MED27: variants seen among roughly 807,000 people sequenced by gnomAD.
MED27 encodes mediator complex subunit 27.
Under a neutral mutation model 38.2 loss-of-function variants are expected in MED27, and 30 were observed. That is an observed-to-expected ratio of 0.79 (90% confidence interval 0.59 to 1.07). MED27 has a LOEUF of 1.07. Among genes scored for constraint, MED27 ranks in the 50% least tolerant of loss-of-function variants. MED27 has a pLI of 0.00. For synonymous variants in MED27, 122 were observed against 153.5 expected, an observed-to-expected ratio of 0.79 and a Z score of 1.52; for missense variants, 289 against 397.5, an observed-to-expected ratio of 0.73 and a Z score of 2.32.
chr9:131,912,022 C>A (rs1220616120), intron 4 of MED27, among the ~76,000 whole-genome samples: 1 of 152,146 alleles, frequency 6.6e-6, no homozygotes, highest in Non-Finnish European at 1.5e-5. Context: ...AAAGCAAGGG[C>A]CTGAAAAGTC....
intron 3 of MED27, among the ~76,000 whole-genome samples, chr9:131,996,918 A>G (rs1832103829): frequency 6.6e-6 from 1 of 152,196 alleles, no homozygotes; most frequent in South Asian, 2.1e-4. Context: ...ACAGTATGTA[A>G]TGCATACAAC....
intron 2 of MED27, among the ~76,000 whole-genome samples, chr9:132,045,485 G>A (rs1336745330): frequency 6.7e-6 from 1 of 150,064 alleles, no homozygotes; most frequent in African/African-American, 2.5e-5. Context: ...ATAATAAAAG[G>A]TTCTAAGAAA....
intron 3 of MED27, among the ~76,000 whole-genome samples, chr9:132,005,753 G>A (rs1832343900): frequency 6.6e-6 from 1 of 152,120 alleles, no homozygotes; most frequent in South Asian, 2.1e-4. Flanking sequence ...GATAAGAGTG[G>A]TATCCCTCAC....
At chr9:131,878,477 G>A (rs911990811) in intron 6 of MED27, among the ~76,000 whole-genome samples, 2 of 152,094 alleles carry the variant, frequency 1.3e-5, no homozygotes, top group African/African-American at 4.8e-5. Flanking sequence ...TGGATGGAGA[G>A]CTGGACATCT....
At chr9:131,877,962 G>C (rs1453392725) in intron 6 of MED27, among the ~76,000 whole-genome samples, 2 of 151,990 alleles carry the variant, frequency 1.3e-5, no homozygotes, top group Non-Finnish European at 2.9e-5. Flanking sequence ...CTCAGTTAGG[G>C]GCCAGTCTTG....
At position 132,051,521 on chromosome 9, in the gene MED27, A is replaced by G. The variant is rs1447027424; in HGVS notation, c.348+25921T>C. 6.6e-6 allele frequency among the ~76,000 whole-genome samples: 1 copy of G among 152,192 alleles called. No homozygotes were observed. The highest frequency in any genetic ancestry group is 1.5e-5 in the Non-Finnish European group (1 of 68,032). On this transcript the variant is annotated intron_variant, in intron 2 of 7. Coordinates refer to ENST00000292035, the MANE Select transcript of MED27 (RefSeq NM_004269.4). The surrounding 1 kb of genome is among the most constrained non-coding windows in gnomAD (Gnocchi z 4.2). ...TGCCCCTCCTTAGCTAGACATAAAGACTGTGGAAATATGCACAGTGAAGGA... is the reference window on the plus strand; with the variant it reads ...TGCCCCTCCTTAGCTAGACATAAAGGCTGTGGAAATATGCACAGTGAAGGA...
At chr9:131,999,728 C>G (rs575047680) in intron 3 of MED27, among the ~76,000 whole-genome samples, 2 of 152,028 alleles carry the variant, frequency 1.3e-5, no homozygotes, top group African/African-American at 4.8e-5. Context: ...GTTTTTCTAC[C>G]AAAAGAAAAT....
At chr9:132,076,941 C>T (rs1351193410) in intron 2 of MED27, among the ~76,000 whole-genome samples, 1 of 152,208 alleles carries the variant, frequency 6.6e-6, no homozygotes, top group African/African-American at 2.4e-5. Flanking sequence ...GAACAATCTC[C>T]CTTAGGTGGC....
intron 6 of MED27, among the ~76,000 whole-genome samples, chr9:131,866,204 C>T (rs984989218): frequency 6.6e-6 from 1 of 152,188 alleles, no homozygotes; most frequent in Non-Finnish European, 1.5e-5. Flanking sequence ...CCTGACAGAT[C>T]TGTGCCCATC....
chr9:131,977,082 C>G (rs1831625243), intron 3 of MED27, among the ~76,000 whole-genome samples: 1 of 152,158 alleles, frequency 6.6e-6, no homozygotes. Context: ...GCCAAGCCAG[C>G]CAGTCACCAG....
chr9:131,966,954 T>A lies in MED27; in HGVS notation c.480-27480A>T, dbSNP rs143941528. 1.6e-3 allele frequency among the ~76,000 whole-genome samples: 247 copies of A among 152,392 alleles called. 4 individuals are homozygous for A. In the East Asian group the frequency reaches 0.021, roughly 13 times the overall value. ...ATGACCATCTTCACTCTTCACTAGC[T>A]GTGTGGCATTAACTTTCTTGTATCT... On this transcript the variant is annotated intron_variant, in intron 3 of 7. Coordinates refer to ENST00000292035, the MANE Select transcript of MED27 (RefSeq NM_004269.4).
At chr9:131,941,444 T>C (rs1013007292) in intron 3 of MED27, among the ~76,000 whole-genome samples, 5 of 152,290 alleles carry the variant, frequency 3.3e-5, no homozygotes, top group South Asian at 4.2e-4. Context: ...AAAGTGACCC[T>C]ACCTATTCTC....
intron 2 of MED27, among the ~76,000 whole-genome samples, chr9:132,029,197 G>A (rs1832894810): frequency 1.3e-5 from 2 of 152,180 alleles, no homozygotes; most frequent in Admixed American, 1.3e-4. Context: ...AAATAGTAGA[G>A]ATTGAAAGCT....
intron 4 of MED27, among the ~76,000 whole-genome samples, chr9:131,928,083 C>T (rs968391949): frequency 3.9e-5 from 6 of 152,214 alleles, no homozygotes; most frequent in African/African-American, 1.4e-4. Flanking sequence ...AGAACAACAA[C>T]AAAATCAGTG....
At chr9:131,890,813 A>G (rs10901108) in intron 5 of MED27, among the ~76,000 whole-genome samples, 80,467 of 152,028 alleles carry the variant, frequency 0.53, 23,400 homozygotes, top group Non-Finnish European at 0.66. Context: ...GTGTAAGATG[A>G]GTCTAAGAGC....
At chr9:132,034,301 A>G (rs1244497811) in intron 2 of MED27, among the ~76,000 whole-genome samples, 1 of 152,212 alleles carries the variant, frequency 6.6e-6, no homozygotes, top group East Asian at 1.9e-4. Context: ...GAGGAGTTTA[A>G]AAGTGTCCAT....
intron 3 of MED27, among the ~76,000 whole-genome samples, chr9:131,976,129 G>T (rs1014281321): frequency 7.2e-5 from 11 of 152,198 alleles, no homozygotes; most frequent in Non-Finnish European, 1.5e-4. Context: ...AGAAGGTTGT[G>T]TGTGGACCAG....
chr9:131,922,626 TA>T (rs1457236738), intron 4 of MED27, among the ~76,000 whole-genome samples: 3 of 135,882 alleles, frequency 2.2e-5, no homozygotes, highest in Admixed American at 7.5e-5. Flanking sequence ...TTTTTATTTT[TA>T]TTTTTTTCTT....
In MED27 at chr9:131,874,266, T is replaced by C. The variant is rs140731504; in HGVS notation, c.723+9792A>G. Among the ~76,000 whole-genome samples the C allele has an allele frequency of 4.4e-3, 668 of 152,218 alleles. 3 individuals carry two copies. The highest frequency in any genetic ancestry group is 7.3e-3 in the Non-Finnish European group (496 of 68,010). ...AGGACTCAGCTCAGGGTCTTCCCCA[T>C]CCCAGCCTTGCCTGTACTCTCAGCA... On this transcript the variant is annotated intron_variant, in intron 6 of 7. Coordinates refer to ENST00000292035, the MANE Select transcript of MED27 (RefSeq NM_004269.4).
Sources: allele counts gnomAD v4.1 joint callset (sites outside exome capture counted in the v4.1 genomes callset), GRCh38; gene constraint gnomAD v4.1.1; non-coding constraint Gnocchi (gnomAD v3.1); transcripts MANE v1.5; gene names NCBI Gene and HGNC (gene_info 2026-07-23, HGNC 2026-07-21).